The following PHF20 variants were observed in gnomAD, a reference collection of about 807,000 sequenced individuals.
PHF20 encodes PHD finger protein 20, also known as glioma-expressed antigen 2.
PHF20 carries 23 observed loss-of-function variants against 113.5 expected under a neutral mutation model. That is an observed-to-expected ratio of 0.20 (90% confidence interval 0.15 to 0.29). The LOEUF (loss-of-function observed/expected upper bound fraction) is 0.29, where lower values mean the gene tolerates loss of function less well. Among genes scored for constraint, PHF20 ranks in the 10% least tolerant of loss-of-function variants. PHF20 has a pLI of 1.00. For synonymous variants in PHF20, 434 were observed against 457.3 expected (o/e 0.95, Z 0.65); for missense variants, 943 against 1,219.6 (o/e 0.77, Z 3.38).
chr20:35,909,357 T>G (rs1409491101), intron 10 of PHF20, among the ~76,000 whole-genome samples: 1 of 151,946 alleles, frequency 6.6e-6, no homozygotes, highest in Non-Finnish European at 1.5e-5. Flanking sequence ...CATTGCAATA[T>G]CCCTCCTCCC....
At chr20:35,772,603 C>T (rs1253529006) in intron 1 of PHF20, among the ~76,000 whole-genome samples, 1 of 152,138 alleles carries the variant, frequency 6.6e-6, no homozygotes, top group East Asian at 1.9e-4. Flanking sequence ...GGGCGGCACA[C>T]CCCCTTTCTT....
intron 2 of PHF20, among the ~76,000 whole-genome samples, chr20:35,833,831 G>A (rs897666383): frequency 2.6e-5 from 4 of 151,988 alleles, no homozygotes; most frequent in African/African-American, 2.4e-5. Context: ...AGGCTGAGGC[G>A]GGCAGATCAC....
At chr20:35,928,135 A>G (rs1161125153) in intron 14 of PHF20, among the ~76,000 whole-genome samples, 1 of 152,020 alleles carries the variant, frequency 6.6e-6, no homozygotes, top group African/African-American at 2.4e-5. Flanking sequence ...TTCTTTAATT[A>G]TGGTTTAAAA....
intron 14 of PHF20, among the ~76,000 whole-genome samples, 196 bp from the exon 15 acceptor site, chr20:35,931,053 T>C (rs1489152277): frequency 6.6e-6 from 1 of 152,204 alleles, no homozygotes; most frequent in Non-Finnish European, 1.5e-5. Flanking sequence ...CCTTATTCAC[T>C]ACCTTATCCC....
At chr20:35,799,834 ATTTTGTATT>A (rs1368861718) in intron 1 of PHF20, among the ~76,000 whole-genome samples, 6 of 151,956 alleles carry the variant, frequency 3.9e-5, no homozygotes, top group African/African-American at 1.4e-4. Flanking sequence ...CGCCCCACTA[ATTTTGTATT>A]TTTAGTAGAG....
At chr20:35,931,216 C>T (rs1421966688) in intron 14 of PHF20, 33 bp from the exon 15 acceptor site, 8 of 1,544,108 alleles carry the variant, frequency 5.2e-6, no homozygotes. Flanking sequence ...TCCTTCAGGC[C>T]TTGTTTTAAC....
intron 4 of PHF20, among the ~76,000 whole-genome samples, chr20:35,852,659 C>T (rs1382277757): frequency 3.3e-5 from 5 of 150,114 alleles, no homozygotes; most frequent in Non-Finnish European, 7.4e-5. Flanking sequence ...AGTGCAGTGG[C>T]TCGATCTCAG....
At chr20:35,939,644 G>C (rs1192201281) in intron 16 of PHF20, among the ~76,000 whole-genome samples, 1 of 152,166 alleles carries the variant, frequency 6.6e-6, no homozygotes, top group Non-Finnish European at 1.5e-5. Flanking sequence ...TGTTATTCAA[G>C]TCATTCTCTT....
chr20:35,877,939 A>G (rs2054561645), intron 9 of PHF20, among the ~76,000 whole-genome samples: 1 of 152,236 alleles, frequency 6.6e-6, no homozygotes, highest in Non-Finnish European at 1.5e-5. Flanking sequence ...AAATTAACAG[A>G]TGATTTACTT....
chr20:35,897,727 C>T (rs1282661233), intron 9 of PHF20, among the ~76,000 whole-genome samples: 6 of 151,618 alleles, frequency 4.0e-5, no homozygotes, highest in South Asian at 2.1e-4. Context: ...ACACCACGCC[C>T]GACTAATTTT....
chr20:35,809,570 C>T (rs994557727), intron 2 of PHF20, among the ~76,000 whole-genome samples: 1 of 145,688 alleles, frequency 6.9e-6, no homozygotes, highest in Non-Finnish European at 1.5e-5. Context: ...CAGAGCAAGA[C>T]TTTGTCTCAA....
intron 9 of PHF20, among the ~76,000 whole-genome samples, chr20:35,895,991 T>C (rs1472135223): frequency 6.6e-6 from 1 of 152,066 alleles, no homozygotes; most frequent in South Asian, 2.1e-4. Context: ...CTGGCCAACT[T>C]TTTCTTCTCT....
intron 2 of PHF20, among the ~76,000 whole-genome samples, chr20:35,841,853 T>C (rs1012007194): frequency 3.7e-4 from 56 of 152,196 alleles, no homozygotes; most frequent in African/African-American, 1.2e-3. Flanking sequence ...GACTGTCTGA[T>C]ACAGTCTGGG....
At chr20:35,896,925 A>T (rs1163692537) in intron 9 of PHF20, among the ~76,000 whole-genome samples, 1 of 151,822 alleles carries the variant, frequency 6.6e-6, no homozygotes, top group Non-Finnish European at 1.5e-5. Context: ...GAAATTGATC[A>T]TTGAGTCCTA....
chr20:35,946,686 T>TTTTA (rs1417409763), intron 17 of PHF20, among the ~76,000 whole-genome samples: 110 of 99,600 alleles, frequency 1.1e-3, no homozygotes, highest in African/African-American at 4.7e-3. Flanking sequence ...ATTTTATTTA[T>TTTTA]TTTATTTTAT....
chr20:35,926,255 T>C (rs2055630602), intron 13 of PHF20, among the ~76,000 whole-genome samples: 1 of 65,440 alleles, frequency 1.5e-5, no homozygotes, highest in Non-Finnish European at 2.8e-5. Flanking sequence ...TTTTTTTTTT[T>C]GAGACGGAGT....
At chr20:35,928,207 G>T (rs566692432) in intron 14 of PHF20, among the ~76,000 whole-genome samples, 246 of 152,338 alleles carry the variant, frequency 1.6e-3, no homozygotes, top group African/African-American at 5.7e-3. Context: ...GGGAGGCCAA[G>T]GCGGGTGAAT....
chr20:35,783,207 A>T (rs988981314), intron 1 of PHF20, among the ~76,000 whole-genome samples: 5 of 152,176 alleles, frequency 3.3e-5, no homozygotes, highest in Non-Finnish European at 5.9e-5. Context: ...TTAAAAATAA[A>T]AAAAAGAAAA....
intron 4 of PHF20, among the ~76,000 whole-genome samples, chr20:35,857,220 G>A (rs2425173): frequency 0.18 from 26,832 of 152,110 alleles, 2,593 homozygotes; most frequent in South Asian, 0.36. Context: ...GCAAAAATGG[G>A]TGGGGCATGA....
Sources: allele counts gnomAD v4.1 joint callset (sites outside exome capture counted in the v4.1 genomes callset), GRCh38; gene constraint gnomAD v4.1.1; transcripts MANE v1.5; gene names NCBI Gene and HGNC (gene_info 2026-07-23, HGNC 2026-07-21).